SOX6: variants seen among roughly 807,000 people sequenced by gnomAD.
SOX6 encodes SRY-box transcription factor 6.
Under a neutral mutation model 97.8 loss-of-function variants are expected in SOX6, and 11 were observed. That is an observed-to-expected ratio of 0.11 (90% confidence interval 0.07 to 0.19). The LOEUF (loss-of-function observed/expected upper bound fraction) is 0.19, where lower values mean the gene tolerates loss of function less well. Among genes scored for constraint, SOX6 ranks in the 10% least tolerant of loss-of-function variants. The probability of loss-of-function intolerance (pLI) is 1.00; values close to 1 mark genes in which losing one functional copy is unlikely to be tolerated. For synonymous variants in SOX6, 360 were observed against 371.4 expected (o/e 0.97, Z 0.35); for missense variants, 810 against 1,039.5 (o/e 0.78, Z 3.04).
chr11:16,200,225 A>G (rs1390459916), intron 4 of SOX6, among the ~76,000 whole-genome samples: 1 of 152,190 alleles, frequency 6.6e-6, no homozygotes, highest in Admixed American at 6.5e-5. Flanking sequence ...TCCAGATATC[A>G]GGTTTCTCAG....
rs117948555 is a variant in SOX6, at chr11:16,329,309, G to C, written c.238-10656C>G. On this transcript the variant is annotated intron_variant, in intron 2 of 15. Coordinates refer to ENST00000683767, the MANE Select transcript of SOX6 (RefSeq NM_001367873.1). ...TAAATGGAAGTAAATATAGTGAATA[G>C]ATTAAATACAGAAAACATCCCCAAA... 1.8e-4 allele frequency among the ~76,000 whole-genome samples: 27 copies of C among 152,180 alleles called. No homozygotes were observed. In the East Asian group the frequency reaches 4.4e-3, roughly 25 times the overall value.
chr11:16,017,787 G>A (rs1245294488), intron 12 of SOX6, among the ~76,000 whole-genome samples: 1 of 152,014 alleles, frequency 6.6e-6, no homozygotes, highest in Admixed American at 6.6e-5. Context: ...ACTGTGGGTG[G>A]CAAGTTCTTA....
chr11:16,640,483 T>A (rs1180509942), intron 3 of SOX6, among the ~76,000 whole-genome samples: 1 of 152,212 alleles, frequency 6.6e-6, no homozygotes, highest in East Asian at 1.9e-4. Flanking sequence ...TCAGAAGGAA[T>A]GGTACCAGCT....
In SOX6 at chr11:16,052,486, C is replaced by T. The variant is rs144437914; in HGVS notation, c.1252-2548G>A. The stretch of plus-strand genomic sequence containing the variant: ...AGGTGATTTTTTAGGAAGGCAGATG[C>T]TTATCTCATTTGGCTCTAGTTGCAA... On this transcript the variant is annotated intron_variant, in intron 10 of 15. Coordinates refer to ENST00000683767, the MANE Select transcript of SOX6 (RefSeq NM_001367873.1). 1.6e-3 allele frequency among the ~76,000 whole-genome samples: 247 copies of T among 152,232 alleles called. 1 individual carries two copies. The highest frequency in any genetic ancestry group is 4.8e-3 in the African/African-American group (201 of 41,558).
At chr11:16,545,708 T>C (rs1478757447) in intron 4 of SOX6, among the ~76,000 whole-genome samples, 1 of 152,126 alleles carries the variant, frequency 6.6e-6, no homozygotes, top group African/African-American at 2.4e-5. Flanking sequence ...TCGTAGCTCC[T>C]TGGGAGGCCA....
chr11:16,175,798 AT>A lies in SOX6; in HGVS notation c.777+8087del, dbSNP rs1348780650. ...TTATTTTTGTCTTATTTTGTGCTTC[AT>A]TTTTTTCATACACCTTCTCCAAAAG... On this transcript the variant is annotated intron_variant, in intron 6 of 15. Transcript: ENST00000683767. Among the ~76,000 whole-genome samples, 5 of 151,752 alleles carry A rather than the reference AT, an allele frequency of 3.3e-5. No homozygotes were observed. The South Asian group carries it at 8.3e-4, about 25-fold the overall frequency.
intron 1 of SOX6, among the ~76,000 whole-genome samples, chr11:16,344,488 T>C (rs1445057750): frequency 6.6e-6 from 1 of 151,964 alleles, no homozygotes; most frequent in Non-Finnish European, 1.5e-5. Context: ...TCAATGGCAC[T>C]TGACTTTTGG....
intron 4 of SOX6, among the ~76,000 whole-genome samples, chr11:16,192,022 C>G (rs779831459): frequency 6.6e-6 from 1 of 151,958 alleles, no homozygotes; most frequent in Non-Finnish European, 1.5e-5. Flanking sequence ...TTTATCTCTC[C>G]GATGAGAAAG....
chr11:16,627,957 T>G (rs1279513005), intron 3 of SOX6, among the ~76,000 whole-genome samples: 1 of 152,198 alleles, frequency 6.6e-6, no homozygotes, highest in Non-Finnish European at 1.5e-5. Context: ...TTAATCCATC[T>G]TGAGTTAATT....
At chr11:16,416,371 A>G (rs759647439) in intron 1 of SOX6, among the ~76,000 whole-genome samples, 4 of 152,218 alleles carry the variant, frequency 2.6e-5, no homozygotes, top group African/African-American at 9.6e-5. Flanking sequence ...TCTCTCTGGA[A>G]CTATAAAAAT....
chr11:16,563,699 C>T (rs1002724662), intron 4 of SOX6, among the ~76,000 whole-genome samples: 2 of 152,056 alleles, frequency 1.3e-5, no homozygotes, highest in Admixed American at 6.6e-5. Flanking sequence ...AAAATGTACT[C>T]AAAGGAATAA....
chr11:16,249,963 T>C (rs1853457465), intron 3 of SOX6, among the ~76,000 whole-genome samples: 1 of 152,210 alleles, frequency 6.6e-6, no homozygotes, highest in Non-Finnish European at 1.5e-5. Context: ...TCTCTACGAT[T>C]TACTTTTTTA....
intron 4 of SOX6, chr11:16,484,353 G>C (rs1860395479): frequency 1.2e-6 from 1 of 821,402 alleles, no homozygotes; most frequent in South Asian, 1.3e-5. Flanking sequence ...ATAAGGTAAG[G>C]ATCCAGGTAG....
chr11:16,135,184 A>G (rs1441870613), intron 6 of SOX6, among the ~76,000 whole-genome samples: 5 of 152,152 alleles, frequency 3.3e-5, no homozygotes, highest in African/African-American at 1.2e-4. Context: ...CTTTCAAAAT[A>G]TTACTGCTCA....
chr11:16,281,992 T>G (rs1027536084), intron 3 of SOX6, among the ~76,000 whole-genome samples: 79 of 148,378 alleles, frequency 5.3e-4, no homozygotes, highest in Non-Finnish European at 8.9e-4. Flanking sequence ...TGTATATATA[T>G]ATATATATAT....
At chr11:16,351,882 G>A (rs955604118) in intron 1 of SOX6, among the ~76,000 whole-genome samples, 9 of 151,782 alleles carry the variant, frequency 5.9e-5, no homozygotes, top group Non-Finnish European at 1.2e-4. Context: ...AACCCCAACC[G>A]CATTACAAAC....
chr11:16,198,562 C>A (rs1484627143), intron 4 of SOX6, among the ~76,000 whole-genome samples: 4 of 151,852 alleles, frequency 2.6e-5, no homozygotes, highest in Non-Finnish European at 5.9e-5. Context: ...GGAAAAAATA[C>A]GTTAAATTAT....
chr11:16,389,841 G>A (rs1183074427), intron 1 of SOX6, among the ~76,000 whole-genome samples: 6 of 151,492 alleles, frequency 4.0e-5, no homozygotes, highest in African/African-American at 1.5e-4. Context: ...ATGGTGGCAG[G>A]TGCCTGTAGT....
At chr11:16,367,173 T>A (rs146107677) in intron 1 of SOX6, among the ~76,000 whole-genome samples, 1 of 152,302 alleles carries the variant, frequency 6.6e-6, no homozygotes, top group African/African-American at 2.4e-5. Flanking sequence ...CTTCTATGTA[T>A]GTTCTAATTT....
Sources: gnomAD v4.1 joint callset for allele counts (sites outside exome capture counted in the v4.1 genomes callset) on GRCh38, gnomAD v4.1.1 for gene constraint, MANE v1.5 for transcripts, NCBI Gene and HGNC (gene_info 2026-07-23, HGNC 2026-07-21) for gene names.